The following CDKAL1 variants were observed in gnomAD, a reference collection of about 807,000 sequenced individuals.
CDKAL1 encodes the protein CDKAL1 threonylcarbamoyladenosine tRNA methylthiotransferase.
In CDKAL1, 32 loss-of-function variants were observed where a neutral mutation model predicts 68.2. The observed-to-expected ratio is 0.47, with a 90% CI of 0.35 to 0.63. CDKAL1 has a LOEUF of 0.63. CDKAL1 is among the 30% of genes least tolerant of loss of function. CDKAL1 has a pLI of 0.00. For missense variants in CDKAL1, 606 were observed against 696.7 expected (o/e 0.87, Z 1.47); for synonymous variants, 234 against 244.3 (o/e 0.96, Z 0.39).
chr6:21,039,113 G>A (rs1297090579), intron 11 of CDKAL1, among the ~76,000 whole-genome samples: 2 of 152,188 alleles, frequency 1.3e-5, no homozygotes, highest in East Asian at 1.9e-4. Flanking sequence ...CACTCAGCAG[G>A]AGGGGAGCAA....
intron 4 of CDKAL1, among the ~76,000 whole-genome samples, chr6:20,570,829 A>G (rs1764669663): frequency 6.6e-6 from 1 of 152,214 alleles, no homozygotes; most frequent in Non-Finnish European, 1.5e-5. Flanking sequence ...CGTATTGATC[A>G]TTACAAAAAA....
intron 2 of CDKAL1, among the ~76,000 whole-genome samples, chr6:20,540,091 T>TTTTTTTTTTTTTTG (rs1561909967): frequency 6.6e-6 from 1 of 150,382 alleles, no homozygotes; most frequent in African/African-American, 2.5e-5. Context: ...TTTTTTTTTT[T>TTTTTTTTTTTTTTG]GAGACAGAGT....
intron 5 of CDKAL1, among the ~76,000 whole-genome samples, chr6:20,730,567 A>G (rs534917981): frequency 1.3e-5 from 2 of 151,310 alleles, no homozygotes; most frequent in Non-Finnish European, 3.0e-5. Context: ...GAAATAGGCC[A>G]GGTGTGGTGG....
chr6:20,780,819 G>A (rs1350277652), intron 7 of CDKAL1, among the ~76,000 whole-genome samples: 1 of 151,636 alleles, frequency 6.6e-6, no homozygotes, highest in Non-Finnish European at 1.5e-5. Context: ...GATTACAGGC[G>A]CCCGCCACCA....
At chr6:21,173,493 T>C (rs1241069787) in intron 13 of CDKAL1, among the ~76,000 whole-genome samples, 7 of 152,328 alleles carry the variant, frequency 4.6e-5, no homozygotes, top group African/African-American at 1.7e-4. Flanking sequence ...GTTTGACCAT[T>C]ATAGGGAGAA....
intron 9 of CDKAL1, among the ~76,000 whole-genome samples, chr6:20,860,764 C>T (rs1367709953): frequency 6.6e-6 from 1 of 151,552 alleles, no homozygotes; most frequent in African/African-American, 2.4e-5. Context: ...GTGGAGGTTG[C>T]AGGGAGATGA....
At chr6:21,191,444 A>G (rs543657732) in intron 13 of CDKAL1, among the ~76,000 whole-genome samples, 4 of 152,362 alleles carry the variant, frequency 2.6e-5, no homozygotes, top group South Asian at 2.1e-4. Flanking sequence ...CCCAAAATTG[A>G]ATTTAAAAAC....
chr6:20,913,535 C>T (rs955839357), intron 9 of CDKAL1, among the ~76,000 whole-genome samples: 15 of 152,210 alleles, frequency 9.9e-5, no homozygotes, highest in Admixed American at 9.8e-4. Context: ...GTGGAAAACA[C>T]ACCCCACTTC....
chr6:20,904,730 G>A (rs58577648), intron 9 of CDKAL1, among the ~76,000 whole-genome samples: 3,430 of 151,846 alleles, frequency 0.023, 126 homozygotes, highest in African/African-American at 0.075. Flanking sequence ...CGGAGGTTGC[G>A]GCGAGCCGAG....
intron 9 of CDKAL1, among the ~76,000 whole-genome samples, chr6:20,913,152 CACACACAT>C (rs1176044014): frequency 9.4e-5 from 13 of 137,988 alleles, no homozygotes; most frequent in Admixed American, 2.2e-4. Flanking sequence ...CACACACACA[CACACACAT>C]TACCACAAAT....
Position 21,069,804 on chromosome 6 carries a change from T to TTAAA in CDKAL1, c.1236+4576_1236+4577insTAAA, listed in dbSNP as rs60342057. 7.0e-3 allele frequency among the ~76,000 whole-genome samples: 595 copies of TTAAA among 85,446 alleles called. 39 individuals are homozygous for TTAAA. The highest frequency in any genetic ancestry group is 0.025 in the East Asian group (62 of 2,466). 56.1% of individuals were successfully genotyped at this position (85,446 alleles called of 152,430 possible). A position where few individuals can be genotyped will look rare whatever the true frequency, so the allele number is the denominator to read the frequency against. Reference sequence around the variant, plus strand: ...TTTTTTTTTTTTTTTTTTTTTTTTTTAAAACAGAGCCTTGCTCTGTCACCC... The same window carrying TTAAA: ...TTTTTTTTTTTTTTTTTTTTTTTTTTTAAAAAAACAGAGCCTTGCTCTGTCACCC... On this transcript the variant is annotated intron_variant, in intron 12 of 15. Transcript: ENST00000274695.
At chr6:20,993,321 T>C (rs991301864) in intron 10 of CDKAL1, among the ~76,000 whole-genome samples, 10 of 152,180 alleles carry the variant, frequency 6.6e-5, no homozygotes, top group African/African-American at 2.4e-4. Flanking sequence ...TTGGAGGTTT[T>C]TTTTTTCTTT....
intron 8 of CDKAL1, among the ~76,000 whole-genome samples, chr6:20,797,963 T>C (rs1366079032): frequency 6.6e-6 from 1 of 151,716 alleles, no homozygotes; most frequent in Non-Finnish European, 1.5e-5. Context: ...ACTACAGGCA[T>C]GTGCTACCAT....
intron 4 of CDKAL1, among the ~76,000 whole-genome samples, chr6:20,597,808 A>G (rs1222580836): frequency 6.6e-6 from 1 of 152,116 alleles, no homozygotes; most frequent in East Asian, 1.9e-4. Context: ...TGTTTAATCT[A>G]TTGTAATATT....
intron 12 of CDKAL1, among the ~76,000 whole-genome samples, chr6:21,091,852 A>AATTT (rs1773022455): frequency 7.5e-6 from 1 of 133,808 alleles, no homozygotes; most frequent in Non-Finnish European, 1.7e-5. Context: ...CAGGCTCAGA[A>AATTT]CTTTCTTTTT....
chr6:20,732,057 T>A (rs888784991), intron 5 of CDKAL1, among the ~76,000 whole-genome samples: 9 of 151,670 alleles, frequency 5.9e-5, no homozygotes, highest in Non-Finnish European at 1.2e-4. Context: ...ATTAAAAAAA[T>A]TTTTTTGAGA....
At chr6:20,563,457 T>G (rs953470332) in intron 4 of CDKAL1, among the ~76,000 whole-genome samples, 8 of 152,184 alleles carry the variant, frequency 5.3e-5, no homozygotes, top group Non-Finnish European at 1.2e-4. Flanking sequence ...TTTTATATTG[T>G]GGTGTAAAAT....
chr6:20,698,635 T>G (rs1476595093), intron 5 of CDKAL1, among the ~76,000 whole-genome samples: 11 of 152,190 alleles, frequency 7.2e-5, no homozygotes, highest in Non-Finnish European at 5.9e-5. Flanking sequence ...TATGGACTTT[T>G]GGGGGAAGGC....
chr6:20,637,679 A>G (rs2127747981), intron 4 of CDKAL1, among the ~76,000 whole-genome samples: 1 of 152,330 alleles, frequency 6.6e-6, no homozygotes, highest in East Asian at 1.9e-4. Context: ...TTCTAAATGA[A>G]AGTAGAAGTC....
Sources: allele counts gnomAD v4.1 joint callset (sites outside exome capture counted in the v4.1 genomes callset), GRCh38; gene constraint gnomAD v4.1.1; transcripts MANE v1.5; gene names NCBI Gene and HGNC (gene_info 2026-07-23, HGNC 2026-07-21).